The following CLEC16A variants were observed in gnomAD, a reference collection of about 807,000 sequenced individuals.
The protein encoded by CLEC16A is C-type lectin domain containing 16A, also known as protein CLEC16A.
Under a neutral mutation model 109.5 loss-of-function variants are expected in CLEC16A, and 51 were observed. The observed-to-expected ratio is 0.47, with a 90% confidence interval of 0.37 to 0.59. The LOEUF is 0.59. Among genes scored for constraint, CLEC16A ranks in the 20% least tolerant of loss-of-function variants. The pLI, the probability that CLEC16A is intolerant of heterozygous loss-of-function variation, is 0.00. For synonymous variants in CLEC16A, 673 were observed against 564.2 expected (o/e 1.19, Z -2.73); for missense variants, 1,339 against 1,394.0 (o/e 0.96, Z 0.63).
At chr16:11,047,204 AAAGCC>A (rs1459764635) in intron 16 of CLEC16A, 83 bp from the exon 17 acceptor site, 10 of 1,110,224 alleles carry the variant, frequency 9.0e-6, no homozygotes, top group Non-Finnish European at 1.3e-5. Flanking sequence ...GATGGCCTCT[AAAGCC>A]ACAAACTAGA....
At chr16:10,950,819 T>C (rs537939780) in intron 1 of CLEC16A, among the ~76,000 whole-genome samples, 165 of 152,326 alleles carry the variant, frequency 1.1e-3, no homozygotes, top group Middle Eastern at 6.8e-3. Flanking sequence ...TGTGTGGACA[T>C]TGGGGGGTAA....
intron 13 of CLEC16A, among the ~76,000 whole-genome samples, chr16:11,031,063 G>A (rs1347068423): frequency 1.3e-5 from 2 of 152,014 alleles, no homozygotes; most frequent in Non-Finnish European, 2.9e-5. Context: ...TTTTAATACC[G>A]CCTTTTCTCT....
chr16:11,176,152 A>G (rs1296813369), intron 23 of CLEC16A, among the ~76,000 whole-genome samples: 1 of 152,270 alleles, frequency 6.6e-6, no homozygotes, highest in Non-Finnish European at 1.5e-5. Context: ...GTTCTGAGGA[A>G]CAGCAGGCAG....
At chr16:10,948,018 A>G (rs1045715202) in intron 1 of CLEC16A, among the ~76,000 whole-genome samples, 1 of 151,644 alleles carries the variant, frequency 6.6e-6, no homozygotes, top group Non-Finnish European at 1.5e-5. Flanking sequence ...CTCAGCCTCC[A>G]GAGTAGCTGG....
At chr16:11,057,910 G>A (rs2152897501) in intron 18 of CLEC16A, among the ~76,000 whole-genome samples, 1 of 152,280 alleles carries the variant, frequency 6.6e-6, no homozygotes, top group Non-Finnish European at 1.5e-5. Flanking sequence ...ACCATGCAGA[G>A]TCATTAAAAG....
intron 9 of CLEC16A, among the ~76,000 whole-genome samples, chr16:10,980,139 G>A (rs2043236623): frequency 6.6e-6 from 1 of 152,202 alleles, no homozygotes; most frequent in Non-Finnish European, 1.5e-5. Context: ...ATGAGGAACT[G>A]TCCTTCTGAC....
chr16:11,118,004 C>T (rs185576828), intron 19 of CLEC16A, among the ~76,000 whole-genome samples: 1 of 151,974 alleles, frequency 6.6e-6, no homozygotes, highest in Admixed American at 6.6e-5. Flanking sequence ...GACAGGGTCT[C>T]GCTTTTGTCA....
chr16:11,036,799 T>G (rs976326779), intron 13 of CLEC16A, among the ~76,000 whole-genome samples: 2 of 152,186 alleles, frequency 1.3e-5, no homozygotes, highest in Admixed American at 1.3e-4. Flanking sequence ...TCTGCCCACC[T>G]TGGCCTCCCA....
intron 19 of CLEC16A, among the ~76,000 whole-genome samples, chr16:11,117,618 G>A (rs1274014094): frequency 2.0e-5 from 3 of 151,972 alleles, no homozygotes; most frequent in Non-Finnish European, 4.4e-5. Flanking sequence ...CAGTAGAGTG[G>A]GACATAGAAT....
intron 13 of CLEC16A, among the ~76,000 whole-genome samples, chr16:11,035,331 A>T (rs1256604743): frequency 2.0e-5 from 3 of 152,180 alleles, no homozygotes; most frequent in Admixed American, 1.3e-4. Context: ...AGATTTGTCT[A>T]ATCTTCTGCC....
At chr16:11,075,411 T>C (rs895379526) in intron 19 of CLEC16A, among the ~76,000 whole-genome samples, 10 of 90,542 alleles carry the variant, frequency 1.1e-4, no homozygotes, top group African/African-American at 4.3e-4. Context: ...TGTGTGTGTG[T>C]CTGTGTGTGT....
intron 22 of CLEC16A, among the ~76,000 whole-genome samples, chr16:11,163,638 T>C (rs192672354): frequency 2.0e-5 from 3 of 152,342 alleles, no homozygotes; most frequent in African/African-American, 7.2e-5. Context: ...ACTGCAGATG[T>C]CTTTTGATAA....
chr16:11,085,979 G>A (rs1418061132), intron 19 of CLEC16A, among the ~76,000 whole-genome samples: 2 of 152,212 alleles, frequency 1.3e-5, no homozygotes, highest in African/African-American at 4.8e-5. Context: ...GGCCTCTCGG[G>A]TCTTCAGCTA....
intron 22 of CLEC16A, among the ~76,000 whole-genome samples, chr16:11,163,725 G>A (rs1173324912): frequency 6.6e-6 from 1 of 152,098 alleles, no homozygotes; most frequent in Non-Finnish European, 1.5e-5. Context: ...CTTCAAATGG[G>A]CCTGTGACCA....
chr16:11,023,192 T>C (rs1257963377), intron 12 of CLEC16A, among the ~76,000 whole-genome samples: 6 of 151,746 alleles, frequency 4.0e-5, no homozygotes, highest in Non-Finnish European at 7.4e-5. Context: ...AATTTTGTAT[T>C]CTTTTTTTCC....
chr16:11,063,501 A>C (rs954204902), intron 19 of CLEC16A, among the ~76,000 whole-genome samples: 5 of 152,038 alleles, frequency 3.3e-5, no homozygotes, highest in Non-Finnish European at 7.4e-5. Context: ...CTCCGGGAGA[A>C]ATGTTAGGGA....
chr16:10,959,750 G>A (rs890022909), intron 2 of CLEC16A, among the ~76,000 whole-genome samples: 1 of 151,376 alleles, frequency 6.6e-6, no homozygotes, highest in Non-Finnish European at 1.5e-5. Flanking sequence ...GGTTAAAGAT[G>A]AGAAACTGTG....
At chr16:10,956,599 C>T (rs1443525231) in intron 1 of CLEC16A, among the ~76,000 whole-genome samples, 2 of 152,172 alleles carry the variant, frequency 1.3e-5, no homozygotes, top group African/African-American at 2.4e-5. Flanking sequence ...AAGCCGTGCC[C>T]GGTGGCACTC....
intron 13 of CLEC16A, among the ~76,000 whole-genome samples, chr16:11,035,289 T>G (rs960257131): frequency 6.6e-6 from 1 of 152,222 alleles, no homozygotes; most frequent in Non-Finnish European, 1.5e-5. Context: ...ATATGGTGGC[T>G]TCTATTTTAC....
Sources: gnomAD v4.1 joint callset for allele counts (sites outside exome capture counted in the v4.1 genomes callset) on GRCh38, gnomAD v4.1.1 for gene constraint, MANE v1.5 for transcripts, NCBI Gene and HGNC (gene_info 2026-07-23, HGNC 2026-07-21) for gene names.